Variants in COL19A1 observed in about 807,000 individuals in gnomAD.
The protein encoded by COL19A1 is collagen alpha-1(XIX) chain.
In COL19A1, 159 loss-of-function variants were observed where a neutral mutation model predicts 190.2. That is an observed-to-expected ratio of 0.84 (90% CI 0.73 to 0.95). COL19A1 has a LOEUF of 0.95. Ranked by LOEUF, COL19A1 falls within the 40% of genes least tolerant of loss-of-function variation. The pLI is 0.00. For synonymous variants in COL19A1, 509 were observed against 458.9 expected (o/e 1.11, Z -1.39); for missense variants, 1,418 against 1,431.9 (o/e 0.99, Z 0.16).
At chr6:70,155,899 A>G (rs1315538289) in intron 31 of COL19A1, among the ~76,000 whole-genome samples, 1 of 152,154 alleles carries the variant, frequency 6.6e-6, no homozygotes, top group Non-Finnish European at 1.5e-5. Flanking sequence ...TTTAAAAATA[A>G]AAGTTCATCA....
At chr6:70,182,496 C>A (rs1387505468) in intron 44 of COL19A1, among the ~76,000 whole-genome samples, 1 of 152,150 alleles carries the variant, frequency 6.6e-6, no homozygotes, top group East Asian at 1.9e-4. Context: ...ATTAGGGTAT[C>A]TAAACCTGAG....
chr6:70,174,443 C>T (rs1300144635), intron 41 of COL19A1, among the ~76,000 whole-genome samples: 1 of 152,054 alleles, frequency 6.6e-6, no homozygotes, highest in African/African-American at 2.4e-5. Flanking sequence ...ACCTGTAATC[C>T]TAGCTACTCA....
chr6:70,189,215 C>A (rs945158246), intron 47 of COL19A1, among the ~76,000 whole-genome samples: 2 of 151,024 alleles, frequency 1.3e-5, no homozygotes, highest in Non-Finnish European at 3.0e-5. Flanking sequence ...TTAGGAAACC[C>A]CACAACAATA....
At chr6:70,043,225 T>C (rs1476678613) in intron 14 of COL19A1, among the ~76,000 whole-genome samples, 1 of 150,758 alleles carries the variant, frequency 6.6e-6, no homozygotes, top group Non-Finnish European at 1.5e-5. Context: ...GGAGTCTCGC[T>C]CTGTCGCCCA....
At chr6:70,189,963 A>G (rs1766752617) in intron 47 of COL19A1, among the ~76,000 whole-genome samples, 1 of 152,242 alleles carries the variant, frequency 6.6e-6, no homozygotes, top group Non-Finnish European at 1.5e-5. Context: ...TGATTAGGCT[A>G]CTAACATCAT....
At position 70,010,972 on chromosome 6, in the gene COL19A1, T is replaced by G. The variant is rs1268914205; in HGVS notation, c.1027-12655T>G. Reference sequence around the variant, plus strand: ...CTTAAGTGTCCCTGTCTGACAGCTTTGAAGAGAGCAGTGGTTCTCCCAGCA... The same window carrying G: ...CTTAAGTGTCCCTGTCTGACAGCTTGGAAGAGAGCAGTGGTTCTCCCAGCA... On this transcript the variant is annotated intron_variant, in intron 11 of 50. Transcript: ENST00000620364. 1.8e-4 allele frequency among the ~76,000 whole-genome samples: 3 copies of G among 16,944 alleles called. No individual in the cohort carries two copies. The East Asian group carries it at 5.1e-3, about 29-fold the overall frequency. The allele number at this position is 16,944 out of a possible 152,430, so 11.1% of individuals were successfully genotyped here.
chr6:70,061,924 A>G (rs1404979634), intron 14 of COL19A1, among the ~76,000 whole-genome samples: 5 of 152,150 alleles, frequency 3.3e-5, no homozygotes, highest in Non-Finnish European at 5.9e-5. Context: ...TTTTTCTTAT[A>G]AACACTAGGA....
intron 2 of COL19A1, among the ~76,000 whole-genome samples, chr6:69,894,282 T>C (rs1365737010): frequency 6.6e-6 from 1 of 152,248 alleles, no homozygotes; most frequent in East Asian, 1.9e-4. Flanking sequence ...GTGTGCTAAC[T>C]GCAGCCAAGG....
chr6:70,162,438 G>A (rs1182005195), intron 35 of COL19A1, among the ~76,000 whole-genome samples: 1 of 152,008 alleles, frequency 6.6e-6, no homozygotes, highest in African/African-American at 2.4e-5. Context: ...CAAAGCCTTC[G>A]TGTCTTTCAC....
intron 15 of COL19A1, among the ~76,000 whole-genome samples, chr6:70,092,432 A>C (rs1237084125): frequency 6.6e-6 from 1 of 152,140 alleles, no homozygotes; most frequent in Non-Finnish European, 1.5e-5. Context: ...TAATCATCTT[A>C]ATATATTTTC....
chr6:70,142,715 C>CTT (rs3831024), intron 22 of COL19A1, 52 bp from the exon 23 acceptor site: 2,784 of 1,414,524 alleles, frequency 2.0e-3, no homozygotes, highest in South Asian at 2.8e-3. Context: ...TACAATCTAT[C>CTT]TTTTTTTTTC....
intron 15 of COL19A1, among the ~76,000 whole-genome samples, chr6:70,073,904 G>A (rs1291932952): frequency 6.6e-6 from 1 of 152,080 alleles, no homozygotes; most frequent in Non-Finnish European, 1.5e-5. Context: ...ATTCTGAACT[G>A]GTTGATATAC....
chr6:70,084,250 C>T (rs12194223), intron 15 of COL19A1, among the ~76,000 whole-genome samples: 55,115 of 151,734 alleles, frequency 0.36, 11,659 homozygotes, highest in Non-Finnish European at 0.48. Flanking sequence ...ACTTTAGGAT[C>T]GAGTTTAGAC....
At chr6:70,049,597 G>T (rs533135885) in intron 14 of COL19A1, among the ~76,000 whole-genome samples, 3 of 151,962 alleles carry the variant, frequency 2.0e-5, no homozygotes, top group African/African-American at 7.2e-5. Flanking sequence ...TGTTTCAAAA[G>T]GCATTTTAAA....
chr6:70,147,580 AAAAC>A (rs145400256), intron 27 of COL19A1, among the ~76,000 whole-genome samples: 242 of 152,330 alleles, frequency 1.6e-3, no homozygotes, highest in African/African-American at 5.6e-3. Context: ...GTGTAATACA[AAAAC>A]AAACTAATTG....
intron 6 of COL19A1, among the ~76,000 whole-genome samples, chr6:69,931,093 C>T (rs1038292409): frequency 2.6e-5 from 4 of 152,126 alleles, no homozygotes; most frequent in African/African-American, 4.8e-5. Flanking sequence ...CATCTCTGTA[C>T]AAGCTCTGTG....
At chr6:70,134,461 A>G (rs903491563) in intron 18 of COL19A1, among the ~76,000 whole-genome samples, 28 of 152,336 alleles carry the variant, frequency 1.8e-4, no homozygotes, top group African/African-American at 6.0e-4. Context: ...TATTGCTTCA[A>G]AAGGCACATT....
At chr6:70,150,081 A>T in intron 30 of COL19A1, 36 bp downstream of exon 30, 1 of 1,609,814 alleles carries the variant, frequency 6.2e-7, no homozygotes, top group Non-Finnish European at 8.5e-7. Context: ...TATGTATCTT[A>T]AATGCACCCA....
chr6:70,016,366 T>TAAAAAAAAAAAA (rs752043571), intron 11 of COL19A1, among the ~76,000 whole-genome samples: 2 of 37,626 alleles, frequency 5.3e-5, no homozygotes, highest in African/African-American at 2.8e-4. Context: ...TAGAGTATAA[T>TAAAAAAAAAAAA]AAAAAAAAAA....
Sources: gnomAD v4.1 joint callset for allele counts (sites outside exome capture counted in the v4.1 genomes callset) on GRCh38, gnomAD v4.1.1 for gene constraint, MANE v1.5 for transcripts, NCBI Gene and HGNC (gene_info 2026-07-23, HGNC 2026-07-21) for gene names.